PDGFD: variants seen among roughly 807,000 people sequenced by gnomAD.
PDGFD encodes platelet-derived growth factor D.
In PDGFD, 30 loss-of-function variants were observed where a neutral mutation model predicts 44.7. That is an observed-to-expected ratio of 0.67 (90% confidence interval 0.50 to 0.91). The LOEUF is 0.91. PDGFD is among the 40% of genes least tolerant of loss of function. PDGFD has a pLI of 0.00. For missense variants in PDGFD, 445 were observed against 457.8 expected (o/e 0.97, Z 0.25); for synonymous variants, 173 against 168.4 (o/e 1.03, Z -0.21).
Position 104,030,812 on chromosome 11 carries a change from C to T in PDGFD, c.125-30557G>A, listed in dbSNP as rs111676752. On this transcript the variant is annotated intron_variant, in intron 1 of 6. Transcript: ENST00000393158. ...GGTTAAATTTACCAAATCATTCTTC[C>T]AGGCCCACTTCAGTGACACTTCCTC... is the stretch of plus-strand genomic sequence containing the variant. Among the ~76,000 whole-genome samples, 444 of 152,226 alleles carry T rather than the reference C, an allele frequency of 2.9e-3. 2 individuals carry two copies. The highest frequency in any genetic ancestry group is 0.01 in the African/African-American group (429 of 41,528).
At chr11:104,096,129 G>T (rs1433353608) in intron 1 of PDGFD, among the ~76,000 whole-genome samples, 1 of 152,042 alleles carries the variant, frequency 6.6e-6, no homozygotes, top group African/African-American at 2.4e-5. Flanking sequence ...TTCATTGAAA[G>T]ATATTAATTT....
intron 1 of PDGFD, among the ~76,000 whole-genome samples, chr11:104,110,507 A>G (rs1861537679): frequency 9.1e-6 from 1 of 110,440 alleles, no homozygotes; most frequent in Admixed American, 9.0e-5. Context: ...TTTCTCCTCA[A>G]AAAAAAAAAC....
chr11:104,012,561 A>T (rs1248470219), intron 1 of PDGFD, among the ~76,000 whole-genome samples: 1 of 152,204 alleles, frequency 6.6e-6, no homozygotes, highest in African/African-American at 2.4e-5. Context: ...TTTTCTTGTT[A>T]AAGCTCATGC....
chr11:104,030,996 T>G (rs867203555), intron 1 of PDGFD, among the ~76,000 whole-genome samples: 1 of 152,236 alleles, frequency 6.6e-6, no homozygotes, highest in Non-Finnish European at 1.5e-5. Context: ...TAACTCATGA[T>G]GGATTAAAGC....
chr11:104,127,611 G>GC (rs1343188795), intron 1 of PDGFD, among the ~76,000 whole-genome samples: 3 of 152,052 alleles, frequency 2.0e-5, no homozygotes, highest in African/African-American at 7.2e-5. Context: ...ACAAGCCAAG[G>GC]TTTCATTTGT....
intron 1 of PDGFD, among the ~76,000 whole-genome samples, chr11:104,097,552 A>G (rs1861304531): frequency 6.6e-6 from 1 of 152,310 alleles, no homozygotes; most frequent in East Asian, 1.9e-4. Context: ...GTAAGTGGTT[A>G]GGATCCAGCC....
intron 1 of PDGFD, among the ~76,000 whole-genome samples, chr11:104,142,865 G>C (rs563463078): frequency 6.6e-6 from 1 of 152,144 alleles, no homozygotes; most frequent in Non-Finnish European, 1.5e-5. Context: ...GTGCATGTCC[G>C]CGAAGGTTTC....
In PDGFD at chr11:104,163,939, G is replaced by C; in HGVS notation, c.-12C>G. The C allele has an allele frequency of 6.5e-7, 1 of 1,531,060 alleles. No individual in the cohort carries two copies. Among genetic ancestry groups the C allele is most frequent in the Non-Finnish European group, 8.9e-7 (1 of 1,124,620 alleles). 94.8% of individuals were successfully genotyped at this position (1,531,060 alleles called of 1,614,324 possible). A position where few individuals can be genotyped will look rare whatever the true frequency, so the allele number is the denominator to read the frequency against. ...ATGAGCCGGTGCATTTGGGATCAGCGACTAGAGACAGCGTCGCTCCAAGAA... is the reference window on the plus strand; with the variant it reads ...ATGAGCCGGTGCATTTGGGATCAGCCACTAGAGACAGCGTCGCTCCAAGAA... On this transcript the variant is annotated 5_prime_UTR_variant, in exon 1 of 7. Transcript: ENST00000393158.
intron 1 of PDGFD, among the ~76,000 whole-genome samples, chr11:104,157,670 C>T (rs141062932): frequency 7.9e-5 from 12 of 152,148 alleles, no homozygotes; most frequent in Non-Finnish European, 1.2e-4. Context: ...TCCTTCAGTC[C>T]GGAGAAGGCA....
At chr11:104,037,458 C>T (rs754885095) in intron 1 of PDGFD, 1 of 1,613,990 alleles carries the variant, frequency 6.2e-7, no homozygotes, top group Non-Finnish European at 8.5e-7. Flanking sequence ...AAGCTCAGGC[C>T]AAAATAGAAG....
chr11:103,919,801 GC>G (rs1229817607), intron 6 of PDGFD, among the ~76,000 whole-genome samples: 1 of 151,548 alleles, frequency 6.6e-6, no homozygotes, highest in Non-Finnish European at 1.5e-5. Context: ...GAGCCACTGC[GC>G]CCGGTCTCTT....
At chr11:103,994,590 GT>G (rs919638642) in intron 3 of PDGFD, among the ~76,000 whole-genome samples, 32 of 151,380 alleles carry the variant, frequency 2.1e-4, no homozygotes, top group Admixed American at 7.9e-4. Flanking sequence ...TAAAAAGCAA[GT>G]TTTTTTTTCT....
intron 1 of PDGFD, among the ~76,000 whole-genome samples, chr11:104,007,625 T>C (rs1019423484): frequency 1.3e-5 from 2 of 152,190 alleles, no homozygotes; most frequent in African/African-American, 4.8e-5. Flanking sequence ...ACCAATAGCA[T>C]GACTGATAGT....
intron 1 of PDGFD, among the ~76,000 whole-genome samples, chr11:104,057,042 C>T (rs1011211306): frequency 6.6e-6 from 1 of 152,096 alleles, no homozygotes; most frequent in Non-Finnish European, 1.5e-5. Flanking sequence ...GCAGGGGAAT[C>T]GCTTGAACCT....
At chr11:104,118,654 T>G (rs1019828987) in intron 1 of PDGFD, among the ~76,000 whole-genome samples, 5 of 146,816 alleles carry the variant, frequency 3.4e-5, no homozygotes, top group African/African-American at 1.3e-4. Context: ...CATTGCTAAC[T>G]TGCTATGGTA....
chr11:104,021,751 T>C (rs1859957489), intron 1 of PDGFD, among the ~76,000 whole-genome samples: 1 of 152,160 alleles, frequency 6.6e-6, no homozygotes, highest in Admixed American at 6.6e-5. Context: ...TTTGGGATGG[T>C]GGTTATACAG....
chr11:104,076,213 C>A (rs961928927), intron 1 of PDGFD, among the ~76,000 whole-genome samples: 1 of 152,190 alleles, frequency 6.6e-6, no homozygotes, highest in Non-Finnish European at 1.5e-5. Context: ...GCCTCCCCAG[C>A]CTTGCTGAAC....
At chr11:103,911,041 C>G (rs1399276782) in intron 6 of PDGFD, among the ~76,000 whole-genome samples, 3 of 152,228 alleles carry the variant, frequency 2.0e-5, no homozygotes, top group Admixed American at 1.3e-4. Flanking sequence ...TAGATTCCTC[C>G]TTTTTGGGCA....
At chr11:104,128,153 A>C (rs1234572349) in intron 1 of PDGFD, among the ~76,000 whole-genome samples, 7 of 132,724 alleles carry the variant, frequency 5.3e-5, no homozygotes, top group African/African-American at 2.0e-4. Flanking sequence ...TTAAGTGTTA[A>C]ATCTACCCTG....
Sources: gnomAD v4.1 joint callset for allele counts (sites outside exome capture counted in the v4.1 genomes callset) on GRCh38, gnomAD v4.1.1 for gene constraint, MANE v1.5 for transcripts, NCBI Gene and HGNC (gene_info 2026-07-23, HGNC 2026-07-21) for gene names.